LRIF1: variants seen among roughly 807,000 people sequenced by gnomAD.
LRIF1 encodes ligand dependent nuclear receptor interacting factor 1.
In LRIF1, 32 loss-of-function variants were observed where a neutral mutation model predicts 52.7. That is an observed-to-expected ratio of 0.61 (90% confidence interval 0.46 to 0.82). LRIF1 has a LOEUF of 0.82. LRIF1 is among the 40% of genes least tolerant of loss of function. The pLI is 0.00. For synonymous variants in LRIF1, 323 were observed against 317.4 expected (o/e 1.02, Z -0.19); for missense variants, 887 against 892.0 (o/e 0.99, Z 0.07).
Position 110,952,440 on chromosome 1 carries a change from T to C in LRIF1, c.444A>G (p.Gln148=). 1 of 1,611,616 alleles carries C rather than the reference T, an allele frequency of 6.2e-7. No individual in the cohort carries two copies. The highest frequency in any genetic ancestry group is 8.5e-7 in the Non-Finnish European group (1 of 1,177,894). Residue 148 remains glutamine, a synonymous_variant, in exon 2 of 4, where the codon CAA becomes CAG. Transcript: ENST00000369763. ...HGVKIDGLTM[Q]TFAVPPSTQK... is the part of the protein sequence containing the mutation. The stretch of plus-strand genomic sequence containing the variant: ...GTGTTGAGGGAGGAACAGCAAATGT[T>C]TGCATGGTGAGTCCATCAATTTTCA...
At chr1:110,954,999 T>A (rs1031870838) in intron 1 of LRIF1, among the ~76,000 whole-genome samples, 1 of 152,244 alleles carries the variant, frequency 6.6e-6, no homozygotes, top group Non-Finnish European at 1.5e-5. Flanking sequence ...CACTTACGCA[T>A]GAACAATTTC....
At chr1:110,946,566 TTACAG>T (rs1335621090), downstream of LRIF1, among the ~76,000 whole-genome samples, 2 of 152,154 alleles carry the variant, frequency 1.3e-5, no homozygotes, top group African/African-American at 4.8e-5. Flanking sequence ...TTTCACTTCT[TTACAG>T]TATTTTCTGA....
intron 1 of LRIF1, among the ~76,000 whole-genome samples, chr1:110,954,345 A>G (rs775238759): frequency 5.9e-5 from 9 of 152,156 alleles, no homozygotes; most frequent in Middle Eastern, 3.4e-3. Flanking sequence ...TAGGTGTACA[A>G]TCTTGGCTCA....
rs762790969 is a variant in LRIF1 at position 110,948,258 on chromosome 1, G to C, written c.2011C>G (p.Pro671Ala). 1 of 1,614,044 alleles carries C rather than the reference G, an allele frequency of 6.2e-7. No homozygotes were observed. The highest frequency in any genetic ancestry group is 1.1e-5 in the South Asian group (1 of 91,076). The change falls in exon 4 of 4, where the codon CCA becomes GCA. Residue 671 changes from proline (P) to alanine (A), a missense_variant. Coordinates refer to ENST00000369763, the MANE Select transcript of LRIF1 (RefSeq NM_018372.4). Reference protein sequence around the residue: ...TGSQLLSSILPTSDVSQHNIL... With the variant: ...TGSQLLSSILATSDVSQHNIL... ...TTATGTTGTGACACATCTGAAGTTG[G>C]TAAAATACTGCTTAGGAGTTGGGAA... is the stretch of plus-strand genomic sequence containing the variant.
At chr1:110,897,830 CTG>C in the LRIF1 span, 3 of 1,610,800 alleles carry the variant, frequency 1.9e-6, no homozygotes, top group African/African-American at 1.3e-5. Flanking sequence ...GAAAGCAAGA[CTG>C]TGGTTTCATT....
At chr1:110,890,001 TACA>T in the LRIF1 span, among the ~76,000 whole-genome samples, 2 of 152,216 alleles carry the variant, frequency 1.3e-5, no homozygotes, top group Admixed American at 1.3e-4. Flanking sequence ...ATTTGGTGTT[TACA>T]ACAGAGAAAT....
the LRIF1 span, among the ~76,000 whole-genome samples, chr1:110,881,349 T>TACA: frequency 3.5e-4 from 54 of 152,180 alleles, no homozygotes; most frequent in African/African-American, 1.3e-3. Flanking sequence ...ACTGGAATCA[T>TACA]ACAGAATGTA....
the LRIF1 span, among the ~76,000 whole-genome samples, chr1:110,889,555 C>CAAATAAATAAAT: frequency 6.1e-3 from 898 of 146,326 alleles, 7 homozygotes; most frequent in South Asian, 0.018. Context: ...AAAACTCCGT[C>CAAATAAATAAAT]AAATAAATAA....
At chr1:110,911,182 C>G in the LRIF1 span, among the ~76,000 whole-genome samples, 1 of 150,648 alleles carries the variant, frequency 6.6e-6, no homozygotes, top group Non-Finnish European at 1.5e-5. Context: ...CTCAACCCCC[C>G]AGGGAAAAAA....
the LRIF1 span, chr1:110,938,928 A>C: frequency 1.3e-5 from 2 of 150,636 alleles, no homozygotes; most frequent in Admixed American, 1.3e-4. Flanking sequence ...AGTGAACAAT[A>C]TGAAAAAAGT....
At chr1:110,887,285 C>A in the LRIF1 span, among the ~76,000 whole-genome samples, 1 of 152,052 alleles carries the variant, frequency 6.6e-6, no homozygotes, top group African/African-American at 2.4e-5. Context: ...AGGATCGTCT[C>A]GATCTCCTGA....
At chr1:110,919,220 G>C in the LRIF1 span, among the ~76,000 whole-genome samples, 1 of 151,772 alleles carries the variant, frequency 6.6e-6, no homozygotes, top group African/African-American at 2.4e-5. Context: ...GGGTGTGTCT[G>C]TGAGGGTGTT....
chr1:110,954,257 T>G (rs1284868600), intron 1 of LRIF1, among the ~76,000 whole-genome samples: 10 of 152,008 alleles, frequency 6.6e-5, no homozygotes, highest in African/African-American at 2.4e-5. Context: ...CACGTGAGAG[T>G]GGGTCAAAAT....
At chr1:110,920,682 T>G in the LRIF1 span, among the ~76,000 whole-genome samples, 1 of 152,164 alleles carries the variant, frequency 6.6e-6, no homozygotes, top group African/African-American at 2.4e-5. Context: ...ACTCTGGACT[T>G]TGGGGTGATA....
chr1:110,924,810 A>T, the LRIF1 span, among the ~76,000 whole-genome samples: 9 of 152,336 alleles, frequency 5.9e-5, no homozygotes, highest in Admixed American at 5.9e-4. Context: ...AAAATTATAA[A>T]CAAAATATTA....
At chr1:110,951,246 A>G (rs541088816) in intron 2 of LRIF1, 42 bp downstream of exon 2, 186 of 1,494,414 alleles carry the variant, frequency 1.2e-4, no homozygotes, top group Non-Finnish European at 1.7e-4. Context: ...AAACTTTTCT[A>G]TATAGATATA....
chr1:110,901,495 T>TTTTA, the LRIF1 span, among the ~76,000 whole-genome samples: 1 of 142,644 alleles, frequency 7.0e-6, no homozygotes. Flanking sequence ...TTTTTTTTTT[T>TTTTA]TAGACGGAGT....
the LRIF1 span, among the ~76,000 whole-genome samples, chr1:110,909,573 CTTTTTTTTT>C: frequency 2.6e-5 from 2 of 78,020 alleles, no homozygotes; most frequent in East Asian, 4.2e-4. Flanking sequence ...GCAGGGGTAG[CTTTTTTTTT>C]TTTTTTTTTT....
chr1:110,891,397 G>C, the LRIF1 span: 54 of 1,610,648 alleles, frequency 3.4e-5, no homozygotes, highest in Non-Finnish European at 4.3e-5. Context: ...CTTAGGGCAA[G>C]AATATCACGG....
Sources: allele counts gnomAD v4.1 joint callset (sites outside exome capture counted in the v4.1 genomes callset), GRCh38; gene constraint gnomAD v4.1.1; transcripts MANE v1.5; gene names NCBI Gene and HGNC (gene_info 2026-07-23, HGNC 2026-07-21).